Variants in IP6K1 observed in about 807,000 individuals in gnomAD.
The protein encoded by IP6K1 is inositol hexakisphosphate kinase 1.
In IP6K1, 13 loss-of-function variants were observed where a neutral mutation model predicts 38.3. The ratio of observed to expected loss-of-function variants is 0.34; its 90% CI spans 0.22 to 0.54. The LOEUF (loss-of-function observed/expected upper bound fraction) is 0.54. IP6K1 is among the 20% of genes least tolerant of loss of function. IP6K1 has a pLI of 0.92. For synonymous variants in IP6K1, 212 were observed against 229.9 expected, an observed-to-expected ratio of 0.92 and a Z score of 0.70; for missense variants, 397 against 599.8, an observed-to-expected ratio of 0.66 and a Z score of 3.53.
intron 1 of IP6K1, among the ~76,000 whole-genome samples, chr3:49,783,719 A>C (rs1414294602): frequency 6.6e-6 from 1 of 151,934 alleles, no homozygotes; most frequent in African/African-American, 2.4e-5. Flanking sequence ...TCTCAAAAAA[A>C]AAAAAAAAGA....
rs71080545 is a variant in IP6K1, at chr3:49,731,887, C to CA, written c.616+903dup. Among the ~76,000 whole-genome samples, 87 of 65,300 alleles carry CA rather than the reference C, an allele frequency of 1.3e-3. 4 individuals carry two copies. The highest frequency in any genetic ancestry group is 8.3e-3 in the Middle Eastern group (1 of 120). The allele number at this position is 65,300 out of a possible 152,430, so 42.8% of individuals were successfully genotyped here. ...TGGGTAACAGAGTGAGACTCTGTCT[C>CA]AAAAAAAAAAAAAAAAAAGGAATTC... On this transcript the variant is annotated intron_variant, in intron 4 of 5. Coordinates refer to ENST00000321599, the MANE Select transcript of IP6K1 (RefSeq NM_153273.4).
Position 49,783,708 on chromosome 3 carries a change from G to A in IP6K1, c.-129+2646C>T, listed in dbSNP as rs146865894. 7.0e-3 allele frequency among the ~76,000 whole-genome samples: 786 copies of A among 112,976 alleles called. 4 individuals carry two copies. Among genetic ancestry groups the A allele is most frequent in the Middle Eastern group, 0.03 (7 of 234 alleles). The allele number at this position is 112,976 out of a possible 152,430, so 74.1% of individuals were successfully genotyped here. A position where few individuals can be genotyped will look rare whatever the true frequency, so the allele number is the denominator to read the frequency against. ...AGCCAGCGCAACCGAGCGAGATTCC[G>A]TCTCAAAAAAAAAAAAAAAGAAAGA... On this transcript the variant is annotated intron_variant, in intron 1 of 5. Coordinates refer to ENST00000321599, the MANE Select transcript of IP6K1 (RefSeq NM_153273.4).
intron 1 of IP6K1, among the ~76,000 whole-genome samples, chr3:49,774,047 C>T (rs2080984293): frequency 6.6e-6 from 1 of 151,610 alleles, no homozygotes; most frequent in Non-Finnish European, 1.5e-5. Context: ...GAATACTCAC[C>T]ACCAAACCAA....
rs562374232 is a variant in IP6K1, at chr3:49,749,803, T to C, written c.-128-1635A>G. On this transcript the variant is annotated intron_variant, in intron 1 of 5. Coordinates refer to ENST00000321599, the MANE Select transcript of IP6K1 (RefSeq NM_153273.4). ...TTATTCTGTACTCCCAGTCCCCAGA[T>C]TGCACTATTTTAATGCACATACACT... Among the ~76,000 whole-genome samples, 93 of 151,736 alleles carry C rather than the reference T, an allele frequency of 6.1e-4. 1 individual carries two copies. Among genetic ancestry groups the C allele is most frequent in the African/African-American group, 2.1e-3 (89 of 41,414 alleles).
At chr3:49,774,153 C>T (rs1335445635) in intron 1 of IP6K1, among the ~76,000 whole-genome samples, 2 of 151,918 alleles carry the variant, frequency 1.3e-5, no homozygotes, top group Non-Finnish European at 2.9e-5. Context: ...TGCCTGTAAT[C>T]CCAGCACTTT....
intron 1 of IP6K1, among the ~76,000 whole-genome samples, chr3:49,769,020 T>C (rs1009044610): frequency 2.0e-5 from 3 of 152,128 alleles, no homozygotes; most frequent in Admixed American, 6.6e-5. Flanking sequence ...TCATTTACAA[T>C]AGCATCAAAA....
At chr3:49,767,060 G>C (rs1316984807) in intron 1 of IP6K1, among the ~76,000 whole-genome samples, 3 of 149,208 alleles carry the variant, frequency 2.0e-5, no homozygotes, top group Non-Finnish European at 4.4e-5. Context: ...AGCTCAGTTT[G>C]AGACCAGCCT....
intron 1 of IP6K1, among the ~76,000 whole-genome samples, chr3:49,754,997 C>T (rs2080809826): frequency 1.3e-5 from 2 of 150,656 alleles, no homozygotes; most frequent in African/African-American, 2.4e-5. Context: ...ACACAGTTCA[C>T]TACATCACTA....
chr3:49,778,374 T>C lies in IP6K1; in HGVS notation c.-129+7980A>G, dbSNP rs992143641. 3.3e-5 allele frequency among the ~76,000 whole-genome samples: 5 copies of C among 150,442 alleles called. No individual in the cohort carries two copies. In the South Asian group the frequency reaches 1.0e-3, roughly 32 times the overall value. ...TTGGCAAGGTGTGGTGGCTCATGCC[T>C]GTAATCCCGGCATTTTGGGAGGCCA... On this transcript the variant is annotated intron_variant, in intron 1 of 5. Transcript: ENST00000321599.
intron 1 of IP6K1, among the ~76,000 whole-genome samples, chr3:49,760,428 A>G (rs1301747426): frequency 6.6e-6 from 1 of 152,140 alleles, no homozygotes; most frequent in African/African-American, 2.4e-5. Context: ...GTTCAAGAAC[A>G]GTCTGGCCAA....
chr3:49,737,071 C>CTTTTTT (rs527723899), intron 3 of IP6K1, among the ~76,000 whole-genome samples: 1 of 113,032 alleles, frequency 8.8e-6, no homozygotes, highest in African/African-American at 3.3e-5. Context: ...CAAGCCTGGC[C>CTTTTTT]TTTTTTTTTT....
intron 1 of IP6K1, among the ~76,000 whole-genome samples, chr3:49,757,141 C>T (rs1198672337): frequency 6.6e-6 from 1 of 152,208 alleles, no homozygotes; most frequent in Non-Finnish European, 1.5e-5. Flanking sequence ...GGACTTATTT[C>T]CTATCACCAA....
At chr3:49,737,256 GCAC>G (rs1358154088) in intron 3 of IP6K1, among the ~76,000 whole-genome samples, 1 of 152,096 alleles carries the variant, frequency 6.6e-6, no homozygotes, top group African/African-American at 2.4e-5. Context: ...CCAAGTGGCT[GCAC>G]CACTTTACCT....
intron 1 of IP6K1, among the ~76,000 whole-genome samples, chr3:49,757,535 G>A (rs952829497): frequency 6.6e-6 from 1 of 151,926 alleles, no homozygotes; most frequent in Non-Finnish European, 1.5e-5. Flanking sequence ...ACCAGCCTGG[G>A]CAACATGGCA....
In IP6K1 at chr3:49,748,152, C is replaced by G. The variant is rs2080739657; in HGVS notation, c.-112G>C. 4.7e-6 allele frequency: 5 copies of G among 1,066,412 alleles called. No homozygotes were observed. The Admixed American group carries it at 1.0e-4, about 21-fold the overall frequency. The allele number at this position is 1,066,412 out of a possible 1,614,324, so 66.1% of individuals were successfully genotyped here. On this transcript the variant is annotated 5_prime_UTR_variant, in exon 2 of 6. Transcript: ENST00000321599. ...TGAAAGCCAATGGTCAGATTCTATT[C>G]AGCTTATTATTCTGTCCTACAGAAA...
chr3:49,772,475 T>A (rs1180427121), intron 1 of IP6K1, among the ~76,000 whole-genome samples: 1 of 151,978 alleles, frequency 6.6e-6, no homozygotes, highest in African/African-American at 2.4e-5. Context: ...CGATCATGAT[T>A]CACTGCAGCC....
chr3:49,768,093 T>C (rs1019941076), intron 1 of IP6K1, among the ~76,000 whole-genome samples: 1 of 151,644 alleles, frequency 6.6e-6, no homozygotes, highest in Non-Finnish European at 1.5e-5. Context: ...ATTGTAACAC[T>C]TGTGCACTGC....
intron 1 of IP6K1, among the ~76,000 whole-genome samples, chr3:49,781,283 G>C (rs963315106): frequency 6.6e-6 from 1 of 152,060 alleles, no homozygotes; most frequent in Non-Finnish European, 1.5e-5. Flanking sequence ...GGCTGGTCTC[G>C]AACTCCTGAC....
intron 1 of IP6K1, among the ~76,000 whole-genome samples, chr3:49,770,574 A>G (rs115506546): frequency 0.032 from 4,797 of 152,140 alleles, 103 homozygotes; most frequent in Non-Finnish European, 0.053. Context: ...GAGCCCAGGA[A>G]GTGGAGGGTG....
Sources: gnomAD v4.1 joint callset for allele counts (sites outside exome capture counted in the v4.1 genomes callset) on GRCh38, gnomAD v4.1.1 for gene constraint, MANE v1.5 for transcripts, NCBI Gene and HGNC (gene_info 2026-07-23, HGNC 2026-07-21) for gene names.